MPP7: variants seen among roughly 807,000 people sequenced by gnomAD.
MPP7 encodes the protein MAGUK p55 subfamily member 7.
In MPP7, 60 loss-of-function variants were observed where a neutral mutation model predicts 76.5. That is an observed-to-expected ratio of 0.78 (90% CI 0.64 to 0.97). The LOEUF is 0.97. Ranked by LOEUF, MPP7 falls within the 50% of genes least tolerant of loss-of-function variation. MPP7 has a pLI of 0.00. For missense variants in MPP7, 641 were observed against 694.0 expected, an observed-to-expected ratio of 0.92 and a Z score of 0.86; for synonymous variants, 237 against 244.5, an observed-to-expected ratio of 0.97 and a Z score of 0.29.
chr10:28,125,376 T>C (rs1834986012), intron 6 of MPP7, among the ~76,000 whole-genome samples: 1 of 152,202 alleles, frequency 6.6e-6, no homozygotes, highest in Admixed American at 6.5e-5. Context: ...ACATACCTTC[T>C]TTCCATTATA....
chr10:28,177,417 A>C lies in MPP7; in HGVS notation c.156+24736T>G, dbSNP rs1476574658. On this transcript the variant is annotated intron_variant, in intron 3 of 16. Transcript: ENST00000683449. Reference sequence around the variant, plus strand: ...AGTGAGACTCCATTTCAAAAAAAAAAAAAAGAGTTCTTACTGATTCACTTT... The same window carrying C: ...AGTGAGACTCCATTTCAAAAAAAAACAAAAGAGTTCTTACTGATTCACTTT... Among the ~76,000 whole-genome samples, 5 of 149,832 alleles carry C rather than the reference A, an allele frequency of 3.3e-5. No homozygotes were observed. In the East Asian group the frequency reaches 1.0e-3, roughly 30 times the overall value.
chr10:28,157,937 T>C (rs1836123056), intron 3 of MPP7, among the ~76,000 whole-genome samples: 1 of 152,238 alleles, frequency 6.6e-6, no homozygotes, highest in Non-Finnish European at 1.5e-5. Context: ...CATATTTATC[T>C]GTTTACACCC....
intron 2 of MPP7, among the ~76,000 whole-genome samples, chr10:28,206,245 A>C (rs1837946043): frequency 6.6e-6 from 1 of 152,194 alleles, no homozygotes; most frequent in African/African-American, 2.4e-5. Context: ...ATATATGACT[A>C]TCTCTGCCCC....
chr10:28,196,480 GAAAA>G (rs35571821), intron 3 of MPP7, among the ~76,000 whole-genome samples: 3 of 131,440 alleles, frequency 2.3e-5, no homozygotes, highest in East Asian at 2.2e-4. Context: ...ACTCCATCTC[GAAAA>G]AAAAAAAAAA....
At chr10:28,100,675 G>C (rs1853781006) in intron 11 of MPP7, among the ~76,000 whole-genome samples, 1 of 152,038 alleles carries the variant, frequency 6.6e-6, no homozygotes, top group East Asian at 1.9e-4. Context: ...AAAATGTAAA[G>C]AAATGTTCAC....
At chr10:28,097,332 T>C (rs1853616818) in intron 11 of MPP7, among the ~76,000 whole-genome samples, 1 of 152,076 alleles carries the variant, frequency 6.6e-6, no homozygotes, top group Admixed American at 6.6e-5. Flanking sequence ...AATAATAATA[T>C]CAAATAATAA....
chr10:28,260,691 G>A (rs1026426362), intron 1 of MPP7, among the ~76,000 whole-genome samples: 9 of 143,390 alleles, frequency 6.3e-5, no homozygotes, highest in South Asian at 4.3e-4. Context: ...AGAATCGCTC[G>A]AACCTAGGAG....
intron 1 of MPP7, among the ~76,000 whole-genome samples, chr10:28,243,532 A>T (rs1564728501): frequency 1.3e-5 from 2 of 152,178 alleles, no homozygotes; most frequent in Admixed American, 6.5e-5. Flanking sequence ...CTCAAGATTG[A>T]TCAATGGATT....
chr10:28,252,623 G>A (rs1839649859), intron 1 of MPP7, among the ~76,000 whole-genome samples: 1 of 152,146 alleles, frequency 6.6e-6, no homozygotes, highest in Admixed American at 6.5e-5. Context: ...TATGTGAAAA[G>A]GCAAGAAGTA....
chr10:28,208,032 T>C (rs975997595), intron 2 of MPP7, among the ~76,000 whole-genome samples: 2 of 152,124 alleles, frequency 1.3e-5, no homozygotes, highest in African/African-American at 2.4e-5. Flanking sequence ...CAGGGGCTTA[T>C]CTGTAAAGTC....
chr10:28,070,241 C>G (rs1272496467), intron 12 of MPP7, among the ~76,000 whole-genome samples: 1 of 151,600 alleles, frequency 6.6e-6, no homozygotes, highest in African/African-American at 2.4e-5. Flanking sequence ...ACTGAAAATA[C>G]AAAAAAAATT....
At chr10:28,235,696 T>C (rs985075688) in intron 2 of MPP7, among the ~76,000 whole-genome samples, 4 of 152,204 alleles carry the variant, frequency 2.6e-5, no homozygotes, top group Non-Finnish European at 2.9e-5. Flanking sequence ...TTAGAGAATA[T>C]CTTCATAATC....
At chr10:28,183,699 A>G (rs1227330438) in intron 3 of MPP7, among the ~76,000 whole-genome samples, 2 of 152,166 alleles carry the variant, frequency 1.3e-5, no homozygotes, top group East Asian at 3.9e-4. Context: ...AGAAGGGAGG[A>G]TCATTGAGCC....
At chr10:28,214,668 T>G (rs950551601) in intron 2 of MPP7, among the ~76,000 whole-genome samples, 1 of 152,186 alleles carries the variant, frequency 6.6e-6, no homozygotes, top group South Asian at 2.1e-4. Flanking sequence ...CGACTCCATC[T>G]TGTTTCTAAC....
intron 1 of MPP7, among the ~76,000 whole-genome samples, chr10:28,254,283 A>C (rs1839716354): frequency 6.6e-6 from 1 of 152,164 alleles, no homozygotes; most frequent in Admixed American, 6.5e-5. Context: ...CTTTGCCTGA[A>C]TCCCTGAATT....
intron 5 of MPP7, among the ~76,000 whole-genome samples, chr10:28,138,923 A>G (rs1384482233): frequency 1.3e-5 from 2 of 152,216 alleles, no homozygotes; most frequent in African/African-American, 2.4e-5. Context: ...TCACAGTGCT[A>G]TGTGCTAGAA....
At chr10:28,189,317 C>T (rs544674355) in intron 3 of MPP7, among the ~76,000 whole-genome samples, 1 of 152,092 alleles carries the variant, frequency 6.6e-6, no homozygotes, top group African/African-American at 2.4e-5. Flanking sequence ...AATCCCAGCA[C>T]TTTGGGAGGC....
At chr10:28,172,319 G>GA (rs1473789461) in intron 3 of MPP7, among the ~76,000 whole-genome samples, 19 of 152,184 alleles carry the variant, frequency 1.2e-4, no homozygotes, top group Non-Finnish European at 2.5e-4. Flanking sequence ...GGAATGGTAC[G>GA]AAAAAATCTT....
chr10:28,264,485 C>T (rs1020909451), intron 1 of MPP7, among the ~76,000 whole-genome samples: 1 of 151,848 alleles, frequency 6.6e-6, no homozygotes, highest in Non-Finnish European at 1.5e-5. Flanking sequence ...GAAGGCTGCA[C>T]TTTAAATTAG....
Sources: gnomAD v4.1 joint callset for allele counts (sites outside exome capture counted in the v4.1 genomes callset) on GRCh38, gnomAD v4.1.1 for gene constraint, MANE v1.5 for transcripts, NCBI Gene and HGNC (gene_info 2026-07-23, HGNC 2026-07-21) for gene names.